Variants in ADRA1D observed in about 807,000 individuals in gnomAD.
The protein encoded by ADRA1D is alpha-1D adrenergic receptor.
ADRA1D carries 22 observed loss-of-function variants against 18.6 expected under a neutral mutation model. The observed-to-expected ratio is 1.19, with a 90% confidence interval of 0.85 to 1.69. ADRA1D has a LOEUF of 1.69. Ranked by LOEUF, ADRA1D falls within the 40% of genes most tolerant of loss-of-function variation. The pLI is 0.00. For synonymous variants in ADRA1D, 376 were observed against 388.2 expected, an observed-to-expected ratio of 0.97 and a Z score of 0.37; for missense variants, 840 against 840.7, an observed-to-expected ratio of 1.00 and a Z score of 0.01.
At chr20:4,231,080 CTCT>C (rs1980953785) in intron 1 of ADRA1D, among the ~76,000 whole-genome samples, 1 of 53,696 alleles carries the variant, frequency 1.9e-5, no homozygotes, top group African/African-American at 7.2e-5. Context: ...CTCTCTCTCT[CTCT>C]TTTCTTTTCT....
Position 4,221,367 on chromosome 20 carries a change from C to T in ADRA1D, c.*156G>A, listed in dbSNP as rs1001865637. The T allele has an allele frequency of 2.4e-6, 2 of 817,822 alleles. No individual in the cohort carries two copies. Among genetic ancestry groups the T allele is most frequent in the Admixed American group, 6.4e-5 (2 of 31,410 alleles). The allele number at this position is 817,822 out of a possible 1,614,324, so 50.7% of individuals were successfully genotyped here. On this transcript the variant is annotated 3_prime_UTR_variant, in exon 2 of 2. Coordinates refer to ENST00000379453, the MANE Select transcript of ADRA1D (RefSeq NM_000678.4). ...TTTCACCTTTCAAGGGCTCCAGCCT[C>T]AAGCTCTGCCCAGTTCCTCAGGGAT... is the stretch of plus-strand genomic sequence containing the variant.
At chr20:4,230,411 A>C (rs1245152024) in intron 1 of ADRA1D, among the ~76,000 whole-genome samples, 1 of 152,162 alleles carries the variant, frequency 6.6e-6, no homozygotes, top group Non-Finnish European at 1.5e-5. Context: ...CTACACATCC[A>C]ACTGGTCACC....
At position 4,222,330 on chromosome 20, in the gene ADRA1D, T is replaced by C; in HGVS notation, c.1112-200A>G. ...ATTGTTTTCACTCACCTCTACCTGA[T>C]ATTGAGGATTACCTTCAATGAATGT... On this transcript the variant is annotated intron_variant, in intron 1 of 1. Transcript: ENST00000379453. This position sits in a 1 kb window ranked among gnomAD's most constrained non-coding sequence, Gnocchi z 4.3. 1.6e-6 allele frequency: 1 copy of C among 640,896 alleles called. No homozygotes were observed. The highest frequency in any genetic ancestry group is 2.4e-6 in the Non-Finnish European group (1 of 421,422). 39.7% of individuals were successfully genotyped at this position (640,896 alleles called of 1,614,324 possible). A position where few individuals can be genotyped will look rare whatever the true frequency, so the allele number is the denominator to read the frequency against.
chr20:4,248,314 G>A lies in ADRA1D; in HGVS notation c.644C>T (p.Ala215Val). The change falls in exon 1 of 2, where the codon GCC (alanine) becomes GTC (valine). Residue 215 changes from alanine (A) to valine (V), a missense_variant. By Grantham distance (64) the Ala-to-Val change is moderately conservative (BLOSUM62 0). Transcript: ENST00000379453. ...TACGACCCAGAGCAGGGCCAGGATG[G>A]CGGCCGCCTTGCGCTCGGTCATGAT... is the stretch of plus-strand genomic sequence containing the variant. ...PAIMTERKAA[A>V]ILALLWVVAL... is the part of the protein sequence containing the mutation. 6.2e-7 allele frequency: 1 copy of A among 1,606,492 alleles called. No homozygotes were observed. Among genetic ancestry groups the A allele is most frequent in the African/African-American group, 1.3e-5 (1 of 74,990 alleles).
Position 4,248,145 on chromosome 20 carries a change from C to A in ADRA1D, c.813G>T (p.Val271=). 1 of 1,575,770 alleles carries A rather than the reference C, an allele frequency of 6.3e-7. No individual in the cohort carries two copies. The highest frequency in any genetic ancestry group is 1.2e-5 in the South Asian group (1 of 86,310). ...CCACGTACACGCGGCAGTACATGAC[C>A]ACGATGACCGCCATGGGCAGGTAGA... ...CSFYLPMAVI[V]VMYCRVYVVA... The change falls in exon 1 of 2, where the codon GTG becomes GTT. Residue 271 remains valine, a synonymous_variant. Coordinates refer to ENST00000379453, the MANE Select transcript of ADRA1D (RefSeq NM_000678.4).
At chr20:4,223,560 G>A (rs1183844494) in intron 1 of ADRA1D, among the ~76,000 whole-genome samples, 1 of 152,152 alleles carries the variant, frequency 6.6e-6, no homozygotes, top group East Asian at 1.9e-4. Flanking sequence ...GATGCAGGTG[G>A]GGTGATGATG....
rs576529083 is a variant in ADRA1D at position 4,222,675 on chromosome 20, G to T, written c.1112-545C>A. Among the ~76,000 whole-genome samples, 1 of 152,094 alleles carries T rather than the reference G, an allele frequency of 6.6e-6. No homozygotes were observed. Among genetic ancestry groups the T allele is most frequent in the African/African-American group, 2.4e-5 (1 of 41,398 alleles). ...TGCCTCTTCCTACACAGAAGATAACGTCTGACCAGGCTAGTAATTATGCTG... is the reference window on the plus strand; with the variant it reads ...TGCCTCTTCCTACACAGAAGATAACTTCTGACCAGGCTAGTAATTATGCTG... On this transcript the variant is annotated intron_variant, in intron 1 of 1. Coordinates refer to ENST00000379453, the MANE Select transcript of ADRA1D (RefSeq NM_000678.4). This position sits in a 1 kb window ranked among gnomAD's most constrained non-coding sequence, Gnocchi z 4.3.
intron 1 of ADRA1D, among the ~76,000 whole-genome samples, chr20:4,242,163 G>T (rs1981227419): frequency 1.3e-5 from 2 of 152,204 alleles, no homozygotes. Context: ...AGAATCAAAA[G>T]GTGTGTACAC....
intron 1 of ADRA1D, among the ~76,000 whole-genome samples, chr20:4,230,713 A>G (rs1980933004): frequency 6.6e-6 from 1 of 152,228 alleles, no homozygotes; most frequent in African/African-American, 2.4e-5. Context: ...AGGAAACACA[A>G]CGTTTCTAGG....
intron 1 of ADRA1D, among the ~76,000 whole-genome samples, chr20:4,233,457 GC>G (rs1306713016): frequency 6.6e-6 from 1 of 151,930 alleles, no homozygotes; most frequent in Non-Finnish European, 1.5e-5. Flanking sequence ...GTGGGTACAT[GC>G]AGCCACTTGC....
chr20:4,232,550 G>T (rs1473457564), intron 1 of ADRA1D, among the ~76,000 whole-genome samples: 1 of 152,208 alleles, frequency 6.6e-6, no homozygotes, highest in Non-Finnish European at 1.5e-5. Flanking sequence ...GCTAGCTGGA[G>T]AGAGTATCAG....
intron 1 of ADRA1D, among the ~76,000 whole-genome samples, chr20:4,229,128 CCT>C (rs1398806408): frequency 2.6e-4 from 40 of 152,160 alleles, no homozygotes; most frequent in Non-Finnish European, 2.9e-5. Flanking sequence ...TGTAGGAGCG[CCT>C]CATTTAGTCT....
chr20:4,221,625 C>A lies in ADRA1D; in HGVS notation c.1617G>T (p.Val539=), dbSNP rs1980664814. The change falls in exon 2 of 2, where the codon GTG becomes GTT. Residue 539 remains valine (V), a synonymous_variant. Transcript: ENST00000379453. ...GTGGGACGCCTAGGGACACAGCCTC[C>A]ACCTCTGAGCGCTGGGCGCACGCTG... ...AEAACAQRSE[V]EAVSLGVPHE... 1 of 1,613,460 alleles carries A rather than the reference C, an allele frequency of 6.2e-7. No homozygotes were observed. The highest frequency in any genetic ancestry group is 8.5e-7 in the Non-Finnish European group (1 of 1,179,840).
rs1370626792 is a variant in ADRA1D, at chr20:4,222,156, T to C, written c.1112-26A>G. 1 of 1,598,848 alleles carries C rather than the reference T, an allele frequency of 6.3e-7. No individual in the cohort carries two copies. ...CTGTAGGGAGCAGAGACCGATACTA[T>C]TTAGCTGCTTGGGGAGGGGGAGGCC... On this transcript the variant is annotated intron_variant, in intron 1 of 1. Coordinates refer to ENST00000379453, the MANE Select transcript of ADRA1D (RefSeq NM_000678.4). The surrounding 1 kb of genome is among the most constrained non-coding windows in gnomAD (Gnocchi z 4.3).
intron 1 of ADRA1D, among the ~76,000 whole-genome samples, chr20:4,225,428 C>CTTTTTTTTTTTTTTTTTTT (rs11474446): frequency 6.7e-5 from 8 of 119,508 alleles, no homozygotes; most frequent in African/African-American, 1.3e-4. Flanking sequence ...TTTTTTCTTT[C>CTTTTTTTTTTTTTTTTTTT]TTTTTTTTTT....
Position 4,248,552 on chromosome 20 carries a change from C to T in ADRA1D, c.406G>A (p.Val136Met). 6.2e-7 allele frequency: 1 copy of T among 1,613,896 alleles called. No homozygotes were observed. The highest frequency in any genetic ancestry group is 1.1e-5 in the South Asian group (1 of 91,044). Residue 136 changes from valine (V) to methionine (M), a missense_variant, in exon 1 of 2, where the codon GTG becomes ATG. Physicochemically the swap from Val to Met is conservative, Grantham distance 21 (BLOSUM62 1). Coordinates refer to ENST00000379453, the MANE Select transcript of ADRA1D (RefSeq NM_000678.4). ...AGCAGGTCGGCCACGGCCAGGTTCA[C>T]GATGAAATAGTTGGTGACGGTCTGC... ...HLQTVTNYFI[V>M]NLAVADLLLS...
rs1355950061 is a variant in ADRA1D at position 4,227,714 on chromosome 20, CCTTCCTT to C, written c.1112-5591_1112-5585del. 8.5e-4 allele frequency among the ~76,000 whole-genome samples: 30 copies of C among 35,264 alleles called. No individual in the cohort carries two copies. The South Asian group carries it at 0.017, about 21-fold the overall frequency. The allele number at this position is 35,264 out of a possible 152,430, so 23.1% of individuals were successfully genotyped here. A position where few individuals can be genotyped will look rare whatever the true frequency, so the allele number is the denominator to read the frequency against. On this transcript the variant is annotated intron_variant, in intron 1 of 1. Coordinates refer to ENST00000379453, the MANE Select transcript of ADRA1D (RefSeq NM_000678.4). ...TCCCTCCCTCCCTCCCTCCTTCCTT[CCTTCCTT>C]CCTTCCTTCCTTCCTTCCTTCCTTC... is the stretch of plus-strand genomic sequence containing the variant.
chr20:4,247,978 T>C lies in ADRA1D; in HGVS notation c.980A>G (p.His327Arg). Residue 327 changes from histidine to arginine, a missense_variant, in exon 1 of 2, where the codon CAC (histidine) becomes CGC (arginine). Physicochemically the swap from His to Arg is conservative, Grantham distance 29 (BLOSUM62 0). Coordinates refer to ENST00000379453, the MANE Select transcript of ADRA1D (RefSeq NM_000678.4). ...CACGGAGAGCGAGCTGCGGAAGGTGTGGCCCTTGGCGCTGCGCATGCCGTG... is the reference window on the plus strand; with the variant it reads ...CACGGAGAGCGAGCTGCGGAAGGTGCGGCCCTTGGCGCTGCGCATGCCGTG... ...GAHGMRSAKGHTFRSSLSVRL... is the reference protein window; with the variant it reads ...GAHGMRSAKGRTFRSSLSVRL... The C allele has an allele frequency of 6.3e-7, 1 of 1,579,512 alleles. No individual in the cohort carries two copies.
At chr20:4,247,377 G>C (rs1471669663) in intron 1 of ADRA1D, among the ~76,000 whole-genome samples, 2 of 152,198 alleles carry the variant, frequency 1.3e-5, no homozygotes, top group Non-Finnish European at 1.5e-5. Flanking sequence ...CTGAATGAGT[G>C]CTGGGGAAAA....
Sources: gnomAD v4.1 joint callset for allele counts (sites outside exome capture counted in the v4.1 genomes callset) on GRCh38, gnomAD v4.1.1 for gene constraint, Gnocchi (gnomAD v3.1) non-coding constraint, MANE v1.5 for transcripts, NCBI Gene and HGNC (gene_info 2026-07-23, HGNC 2026-07-21) for gene names.